The following CPNE1 variants were observed in gnomAD, a reference collection of about 807,000 sequenced individuals.
CPNE1 encodes the protein copine-1.
A neutral mutation model predicts 63.2 loss-of-function variants in CPNE1; 58 were observed. That is an observed-to-expected ratio of 0.92 (90% CI 0.74 to 1.14). The LOEUF (loss-of-function observed/expected upper bound fraction) is 1.14, where lower values mean the gene tolerates loss of function less well. Among genes scored for constraint, CPNE1 ranks in the 50% most tolerant of loss-of-function variants. CPNE1 has a pLI of 0.00. For missense variants in CPNE1, 672 were observed against 661.7 expected (o/e 1.02, Z -0.17); for synonymous variants, 237 against 249.0 (o/e 0.95, Z 0.45).
chr20:35,656,585 A>C (rs1050060284), intron 1 of CPNE1, among the ~76,000 whole-genome samples: 4 of 152,260 alleles, frequency 2.6e-5, no homozygotes, highest in Non-Finnish European at 5.9e-5. Context: ...CCCAGGCTGC[A>C]GTGCAACGGC....
chr20:35,646,786 T>C (rs2033129489), intron 1 of CPNE1, among the ~76,000 whole-genome samples: 1 of 152,198 alleles, frequency 6.6e-6, no homozygotes, highest in Non-Finnish European at 1.5e-5. Flanking sequence ...CTGTTCATAC[T>C]GAATTATGTT....
intron 1 of CPNE1, chr20:35,652,955 G>A: frequency 6.2e-7 from 1 of 1,613,798 alleles, no homozygotes; most frequent in Non-Finnish European, 8.5e-7. Context: ...CCAAAATTCT[G>A]AGGGCCCCCT....
At chr20:35,652,718 T>C (rs769786063) in intron 1 of CPNE1, 8 of 1,614,082 alleles carry the variant, frequency 5.0e-6, no homozygotes, top group South Asian at 3.3e-5. Context: ...ATCTCATCAA[T>C]AGACACAGTA....
At chr20:35,634,990 C>T (rs1449695243) in intron 1 of CPNE1, among the ~76,000 whole-genome samples, 6 of 151,132 alleles carry the variant, frequency 4.0e-5, no homozygotes, top group African/African-American at 1.5e-4. Context: ...GCAATCCACC[C>T]ACCTCAGCCT....
At chr20:35,659,419 G>A (rs193057717) in intron 1 of CPNE1, among the ~76,000 whole-genome samples, 9 of 152,124 alleles carry the variant, frequency 5.9e-5, no homozygotes, top group Non-Finnish European at 1.0e-4. Context: ...GCACAAGTTC[G>A]CACAATAACA....
At chr20:35,630,207 T>C (rs1459768689) in intron 13 of CPNE1, among the ~76,000 whole-genome samples, 2 of 152,164 alleles carry the variant, frequency 1.3e-5, no homozygotes, top group Non-Finnish European at 2.9e-5. Flanking sequence ...GGCAGAAGAA[T>C]TGCTCGAACC....
At chr20:35,647,623 G>C (rs931918898) in intron 1 of CPNE1, among the ~76,000 whole-genome samples, 1 of 152,054 alleles carries the variant, frequency 6.6e-6, no homozygotes, top group East Asian at 1.9e-4. Flanking sequence ...GCAGTATGTA[G>C]AGTAGCAAGC....
intron 1 of CPNE1, among the ~76,000 whole-genome samples, chr20:35,639,405 C>T (rs1041174979): frequency 2.0e-5 from 3 of 152,076 alleles, no homozygotes; most frequent in South Asian, 2.1e-4. Context: ...GGCACCATCT[C>T]GGCTCATAGT....
In CPNE1 at chr20:35,631,784, G is replaced by A; in HGVS notation, c.538-7C>T. ...TCAGGTTGTTCTTGATGACCTGAAGGTGGAGGCCAAGGCCTCCAGTGAGCT... is the reference window on the plus strand; with the variant it reads ...TCAGGTTGTTCTTGATGACCTGAAGATGGAGGCCAAGGCCTCCAGTGAGCT... On this transcript the variant is annotated splice_region_variant and splice_polypyrimidine_tract_variant and intron_variant, in intron 6 of 15. Coordinates refer to ENST00000397443, the MANE Select transcript of CPNE1 (RefSeq NM_152925.3). 8 of 1,612,814 alleles carry A rather than the reference G, an allele frequency of 5.0e-6. No individual in the cohort carries two copies. Among genetic ancestry groups the A allele is most frequent in the Non-Finnish European group, 6.8e-6 (8 of 1,179,166 alleles).
rs2031733304 is a variant in CPNE1 at position 35,626,307 on chromosome 20, C to G, written c.1548G>C (p.Gln516His). The G allele has an allele frequency of 6.2e-7, 1 of 1,613,838 alleles. No individual in the cohort carries two copies. Among genetic ancestry groups the G allele is most frequent in the African/African-American group, 1.3e-5 (1 of 74,900 alleles). The change falls in exon 16 of 16, where the codon CAG becomes CAC. Residue 516 changes from glutamine (Q) to histidine (H), a missense_variant. Physicochemically the swap from Gln to His is conservative, Grantham distance 24 (BLOSUM62 0). Transcript: ENST00000397443. ...PTQLVSYFRA[Q>H]GWAPLKPLPP... ...GAAGTGGCTTGAGCGGGGCCCAACC[C>G]TGGGCCCTGAAGTATGAGACCAGTT...
At chr20:35,633,581 T>C (rs1265882228) in intron 1 of CPNE1, among the ~76,000 whole-genome samples, 1 of 152,188 alleles carries the variant, frequency 6.6e-6, no homozygotes, top group Non-Finnish European at 1.5e-5. Flanking sequence ...TCCCTTATTC[T>C]ATGCTGTCTC....
chr20:35,653,435 T>C, intron 1 of CPNE1: 1 of 1,614,122 alleles, frequency 6.2e-7, no homozygotes. Context: ...GCAGGGGGAT[T>C]TTTCTCAATC....
intron 1 of CPNE1, among the ~76,000 whole-genome samples, chr20:35,655,990 G>A (rs1468262323): frequency 6.6e-6 from 1 of 152,010 alleles, no homozygotes; most frequent in Non-Finnish European, 1.5e-5. Context: ...ACTACATATG[G>A]AATTATTTAT....
intron 1 of CPNE1, among the ~76,000 whole-genome samples, chr20:35,661,645 T>C (rs2034236199): frequency 6.6e-6 from 1 of 152,194 alleles, no homozygotes; most frequent in South Asian, 2.1e-4. Flanking sequence ...ATCACAAGTA[T>C]CTGCTACAAA....
At chr20:35,657,475 A>G (rs1190351058) in intron 1 of CPNE1, among the ~76,000 whole-genome samples, 1 of 152,058 alleles carries the variant, frequency 6.6e-6, no homozygotes, top group Non-Finnish European at 1.5e-5. Context: ...TGAGAGAGAG[A>G]GAGAGACTAG....
intron 13 of CPNE1, among the ~76,000 whole-genome samples, chr20:35,629,704 G>C (rs6119633): frequency 0.068 from 10,215 of 151,000 alleles, 424 homozygotes; most frequent in South Asian, 0.18. Context: ...CCAGGCTGGA[G>C]TATAGTGGCA....
Position 35,631,006 on chromosome 20 carries a change from C to G in CPNE1, c.890G>C (p.Gly297Ala). Residue 297 changes from glycine to alanine, a missense_variant, in exon 11 of 16, where the codon GGA becomes GCA. Physicochemically the swap from Gly to Ala is moderately conservative, Grantham distance 60. Coordinates refer to ENST00000397443, the MANE Select transcript of CPNE1 (RefSeq NM_152925.3). ...TVGVDFTGSN[G>A]DPSSPDSLHY... ...TAGGGAGTCAGGTGAGGAGGGGTCT[C>G]CATTGGAGCCAGTGAAGTCCACGCC... The G allele has an allele frequency of 6.2e-7, 1 of 1,613,702 alleles. No individual in the cohort carries two copies. Among genetic ancestry groups the G allele is most frequent in the Non-Finnish European group, 8.5e-7 (1 of 1,179,890 alleles).
chr20:35,652,362 G>C, intron 1 of CPNE1: 2 of 746,428 alleles, frequency 2.7e-6, no homozygotes, highest in Non-Finnish European at 4.3e-6. Context: ...CCTGGTGAGT[G>C]AGTCTTCTGT....
intron 1 of CPNE1, among the ~76,000 whole-genome samples, chr20:35,645,977 T>C (rs1443896494): frequency 6.6e-6 from 1 of 151,960 alleles, no homozygotes; most frequent in African/African-American, 2.4e-5. Flanking sequence ...GCATAGTGGC[T>C]CACACCTGTA....
Sources: allele counts gnomAD v4.1 joint callset (sites outside exome capture counted in the v4.1 genomes callset), GRCh38; gene constraint gnomAD v4.1.1; transcripts MANE v1.5; gene names NCBI Gene and HGNC (gene_info 2026-07-23, HGNC 2026-07-21).